Variants in SLC30A7 observed in about 807,000 individuals in gnomAD.
SLC30A7 encodes solute carrier family 30 member 7, also known as zinc transporter 7.
In SLC30A7, 35 loss-of-function variants were observed where a neutral mutation model predicts 46.0. The ratio of observed to expected loss-of-function variants is 0.76; its 90% confidence interval spans 0.58 to 1.01. The LOEUF is 1.01. Ranked by LOEUF, SLC30A7 falls within the 50% of genes least tolerant of loss-of-function variation. The pLI, the probability that SLC30A7 is intolerant of heterozygous loss-of-function variation, is 0.00. For synonymous variants in SLC30A7, 147 were observed against 157.8 expected, an observed-to-expected ratio of 0.93 and a Z score of 0.51; for missense variants, 464 against 451.1, an observed-to-expected ratio of 1.03 and a Z score of -0.26.
At chr1:100,949,263 T>G (rs1654823804) in intron 8 of SLC30A7, among the ~76,000 whole-genome samples, 1 of 152,202 alleles carries the variant, frequency 6.6e-6, no homozygotes, top group Admixed American at 6.5e-5. Flanking sequence ...AACAGTCAGG[T>G]CCCTCAGCTT....
the SLC30A7 span, among the ~76,000 whole-genome samples, chr1:100,988,885 GAAAA>G: frequency 6.6e-6 from 1 of 151,490 alleles, no homozygotes; most frequent in Non-Finnish European, 1.5e-5. Flanking sequence ...AAATAATAAA[GAAAA>G]AAGAGATGTT....
intron 8 of SLC30A7, among the ~76,000 whole-genome samples, chr1:100,934,574 T>C (rs1163793918): frequency 1.3e-5 from 2 of 151,854 alleles, no homozygotes; most frequent in Admixed American, 6.6e-5. Context: ...AATATTTTCC[T>C]AAGAAACTAT....
At chr1:100,928,753 A>G (rs746978725) in intron 8 of SLC30A7, among the ~76,000 whole-genome samples, 3 of 152,194 alleles carry the variant, frequency 2.0e-5, no homozygotes, top group African/African-American at 7.2e-5. Context: ...AACTAGGATC[A>G]CAACACGCAG....
At chr1:100,901,447 G>A (rs191152307) in intron 2 of SLC30A7, among the ~76,000 whole-genome samples, 1 of 151,914 alleles carries the variant, frequency 6.6e-6, no homozygotes, top group African/African-American at 2.4e-5. Flanking sequence ...CTTTATACAC[G>A]TAGAAGTTTT....
intron 10 of SLC30A7, among the ~76,000 whole-genome samples, chr1:100,970,295 A>T (rs1170742846): frequency 6.6e-6 from 1 of 152,116 alleles, no homozygotes; most frequent in African/African-American, 2.4e-5. Context: ...TTTTATGAGG[A>T]TAACTTTAAA....
At chr1:100,919,584 A>G (rs796084274) in intron 7 of SLC30A7, among the ~76,000 whole-genome samples, 24 of 152,326 alleles carry the variant, frequency 1.6e-4, no homozygotes, top group African/African-American at 5.8e-4. Flanking sequence ...ATAATCATGC[A>G]TATATGATGC....
chr1:100,984,171 G>C (rs979940141), downstream of SLC30A7, among the ~76,000 whole-genome samples: 6 of 152,324 alleles, frequency 3.9e-5, no homozygotes, highest in Admixed American at 2.6e-4. Context: ...CTTTGGGGGA[G>C]GGGAATATTT....
At chr1:100,911,223 G>T in intron 4 of SLC30A7, 73 bp downstream of exon 4, 3 of 1,062,362 alleles carry the variant, frequency 2.8e-6, no homozygotes, top group South Asian at 1.6e-5. Flanking sequence ...AAAGATATAT[G>T]TAAGTTTTTT....
intron 8 of SLC30A7, among the ~76,000 whole-genome samples, chr1:100,946,843 A>G (rs1397686616): frequency 6.6e-6 from 1 of 152,160 alleles, no homozygotes. Flanking sequence ...ATTGATTGGA[A>G]TAGTTTCAGA....
chr1:100,946,992 A>G (rs1261315941), intron 8 of SLC30A7, among the ~76,000 whole-genome samples: 3 of 152,114 alleles, frequency 2.0e-5, no homozygotes, highest in Non-Finnish European at 4.4e-5. Context: ...CAGAGATTCA[A>G]CTTCTTCCTC....
Position 100,911,075 on chromosome 1 carries a change from G to A in SLC30A7, c.309G>A (p.Ala103=), listed in dbSNP as rs573856567. 49 of 1,610,522 alleles carry A rather than the reference G, an allele frequency of 3.0e-5. No homozygotes were observed. Among genetic ancestry groups the A allele is most frequent in the Admixed American group, 2.0e-4 (12 of 59,788 alleles). ...TGTTCCTCTTTAGGTATGTTAGAGCGGAAGTTCTGGCTGGCTTTGTCAATG... is the reference window on the plus strand; with the variant it reads ...TGTTCCTCTTTAGGTATGTTAGAGCAGAAGTTCTGGCTGGCTTTGTCAATG... ...NDAFSYGYVR[A]EVLAGFVNGL... Residue 103 remains alanine, a synonymous_variant, in exon 4 of 11, where the codon GCG becomes GCA. Transcript: ENST00000357650.
intron 8 of SLC30A7, among the ~76,000 whole-genome samples, chr1:100,945,558 T>G (rs919050099): frequency 6.6e-6 from 1 of 152,174 alleles, no homozygotes; most frequent in Non-Finnish European, 1.5e-5. Context: ...TTTCCCCATT[T>G]CTTGTTTTTT....
At chr1:100,955,712 C>T (rs181170861) in intron 8 of SLC30A7, among the ~76,000 whole-genome samples, 2 of 152,062 alleles carry the variant, frequency 1.3e-5, no homozygotes, top group African/African-American at 4.8e-5. Flanking sequence ...AATAGTTAAT[C>T]AGAAAAATAT....
downstream of SLC30A7, among the ~76,000 whole-genome samples, chr1:100,986,284 C>T (rs1455910558): frequency 6.6e-6 from 1 of 152,112 alleles, no homozygotes; most frequent in Non-Finnish European, 1.5e-5. Context: ...TGGTGCATGC[C>T]TGTAATCCCA....
intron 8 of SLC30A7, among the ~76,000 whole-genome samples, chr1:100,947,019 G>T (rs531642625): frequency 7.3e-4 from 111 of 152,128 alleles, no homozygotes; most frequent in Non-Finnish European, 1.2e-3. Flanking sequence ...TCTTGGGAGG[G>T]TGTATGTGTC....
intron 8 of SLC30A7, among the ~76,000 whole-genome samples, chr1:100,935,754 G>A (rs545055140): frequency 3.3e-5 from 5 of 152,184 alleles, no homozygotes; most frequent in East Asian, 3.9e-4. Flanking sequence ...AAAGAGATAC[G>A]GGTTTTTACT....
chr1:100,904,683 T>G (rs1471646312), intron 2 of SLC30A7, among the ~76,000 whole-genome samples: 1 of 152,210 alleles, frequency 6.6e-6, no homozygotes, highest in African/African-American at 2.4e-5. Flanking sequence ...TTGGACTTTG[T>G]GCTTTTAGTA....
intron 3 of SLC30A7, among the ~76,000 whole-genome samples, chr1:100,907,398 C>T (rs974492258): frequency 1.3e-5 from 2 of 151,754 alleles, no homozygotes; most frequent in African/African-American, 4.8e-5. Flanking sequence ...ATATGCTTGC[C>T]GAGTTGGACA....
Position 100,974,861 on chromosome 1 carries a change from A to ATG in SLC30A7, c.*5_*6dup. ...GATTGACTTTGCAGCCATGTAGTGA[A>ATG]TGGAAAGAAATTATGCACCTTTTAT... On this transcript the variant is annotated 3_prime_UTR_variant, in exon 11 of 11. Transcript: ENST00000357650. 6.3e-7 allele frequency: 1 copy of ATG among 1,597,648 alleles called. No homozygotes were observed. The highest frequency in any genetic ancestry group is 1.7e-5 in the Admixed American group (1 of 59,808).
Sources: gnomAD v4.1 joint callset for allele counts (sites outside exome capture counted in the v4.1 genomes callset) on GRCh38, gnomAD v4.1.1 for gene constraint, MANE v1.5 for transcripts, NCBI Gene and HGNC (gene_info 2026-07-23, HGNC 2026-07-21) for gene names.